ADGRL2: variants seen among roughly 807,000 people sequenced by gnomAD.
The protein encoded by ADGRL2 is calcium-independent alpha-latrotoxin receptor 2.
In ADGRL2, 44 loss-of-function variants were observed where a neutral mutation model predicts 157.4. The observed-to-expected ratio is 0.28, with a 90% CI of 0.22 to 0.36. The LOEUF is 0.36. Among genes scored for constraint, ADGRL2 ranks in the 10% least tolerant of loss-of-function variants. The pLI is 1.00. For synonymous variants in ADGRL2, 585 were observed against 624.7 expected (o/e 0.94, Z 0.95); for missense variants, 1,510 against 1,768.9 (o/e 0.85, Z 2.63).
chr1:81,370,798 C>T (rs1372594520), intron 1 of ADGRL2, among the ~76,000 whole-genome samples: 1 of 152,052 alleles, frequency 6.6e-6, no homozygotes, highest in Non-Finnish European at 1.5e-5. Context: ...TTTTAAAAAT[C>T]TTCACTTGTA....
intron 2 of ADGRL2, among the ~76,000 whole-genome samples, chr1:81,499,575 T>A (rs1048398678): frequency 6.6e-6 from 1 of 152,224 alleles, no homozygotes; most frequent in Non-Finnish European, 1.5e-5. Context: ...CATTTGAGCC[T>A]AGAATCTATG....
intron 2 of ADGRL2, among the ~76,000 whole-genome samples, chr1:81,500,029 C>T (rs2078812466): frequency 6.6e-6 from 1 of 152,108 alleles, no homozygotes; most frequent in African/African-American, 2.4e-5. Context: ...ATTCTTAACT[C>T]AGTGTCAGTC....
chr1:81,330,962 G>A (rs1661229229), intron 1 of ADGRL2, among the ~76,000 whole-genome samples: 1 of 152,170 alleles, frequency 6.6e-6, no homozygotes, highest in Admixed American at 6.6e-5. Context: ...TGGCTGATAA[G>A]TACATATGTG....
At chr1:81,458,830 A>T (rs1197729855) in intron 2 of ADGRL2, among the ~76,000 whole-genome samples, 2 of 152,148 alleles carry the variant, frequency 1.3e-5, no homozygotes, top group African/African-American at 4.8e-5. Context: ...ATTCCTCCTG[A>T]CTGCAGCTCA....
intron 3 of ADGRL2, among the ~76,000 whole-genome samples, chr1:81,685,515 C>A (rs1422774177): frequency 1.3e-5 from 2 of 152,088 alleles, no homozygotes; most frequent in African/African-American, 2.4e-5. Context: ...ATTCTTTAAT[C>A]AGTTCTAGGA....
At chr1:81,747,965 T>C (rs993775942) in intron 1 of ADGRL2, among the ~76,000 whole-genome samples, 1 of 152,142 alleles carries the variant, frequency 6.6e-6, no homozygotes, top group African/African-American at 2.4e-5. Context: ...CTAGGAAGAC[T>C]TTAAGCCAGG....
chr1:81,439,615 G>C (rs2077470841), intron 1 of ADGRL2, among the ~76,000 whole-genome samples: 1 of 152,242 alleles, frequency 6.6e-6, no homozygotes, highest in Non-Finnish European at 1.5e-5. Context: ...CCCATGGCCA[G>C]GCCAGGTGTG....
chr1:81,348,727 C>A (rs565720579), intron 1 of ADGRL2, among the ~76,000 whole-genome samples: 3 of 152,210 alleles, frequency 2.0e-5, no homozygotes, highest in South Asian at 4.1e-4. Flanking sequence ...AAAATAAAAA[C>A]GTTTTAAAAT....
At chr1:81,714,425 A>G (rs1012984456) in intron 1 of ADGRL2, among the ~76,000 whole-genome samples, 1 of 152,216 alleles carries the variant, frequency 6.6e-6, no homozygotes, top group African/African-American at 2.4e-5. Flanking sequence ...TTATTTTAAA[A>G]TACTGACTAA....
At chr1:81,984,468 G>A in intron 19 of ADGRL2, 115 bp from the exon 20 acceptor site, 1 of 1,112,298 alleles carries the variant, frequency 9.0e-7, no homozygotes, top group Non-Finnish European at 1.2e-6. Flanking sequence ...TTTCTCCACG[G>A]ATAAGTTTTA....
intron 2 of ADGRL2, among the ~76,000 whole-genome samples, chr1:81,565,758 C>T (rs1223678607): frequency 6.6e-6 from 1 of 152,140 alleles, no homozygotes; most frequent in East Asian, 1.9e-4. Flanking sequence ...ATTAGCCTTT[C>T]TTCTTTAGTG....
intron 2 of ADGRL2, among the ~76,000 whole-genome samples, chr1:81,785,873 G>A (rs1263322481): frequency 3.3e-5 from 5 of 151,630 alleles, no homozygotes; most frequent in South Asian, 2.1e-4. Context: ...TTTGGAGGCC[G>A]AGGCAGGAGG....
At chr1:81,502,557 A>T in intron 2 of ADGRL2, 1 of 1,614,036 alleles carries the variant, frequency 6.2e-7, no homozygotes, top group Admixed American at 1.7e-5. Flanking sequence ...GTGACCGAGA[A>T]GGGGGGCCTG....
intron 1 of ADGRL2, among the ~76,000 whole-genome samples, chr1:81,323,153 C>T (rs1024948120): frequency 6.6e-5 from 10 of 152,046 alleles, no homozygotes; most frequent in Non-Finnish European, 1.0e-4. Flanking sequence ...CCACCGTGCC[C>T]GGCCTATAAA....
intron 3 of ADGRL2, among the ~76,000 whole-genome samples, chr1:81,931,932 G>A (rs531916898): frequency 3.0e-4 from 45 of 152,026 alleles, no homozygotes; most frequent in Non-Finnish European, 5.7e-4. Context: ...GAGCAATAGC[G>A]CCTGACCCCG....
chr1:81,940,313 C>G lies in ADGRL2; in HGVS notation c.398-1721C>G, dbSNP rs945795252. Among the ~76,000 whole-genome samples, 24 of 151,596 alleles carry G rather than the reference C, an allele frequency of 1.6e-4. 1 individual carries two copies. Among genetic ancestry groups the G allele is most frequent in the Admixed American group, 1.1e-3 (17 of 15,168 alleles). On this transcript the variant is annotated intron_variant, in intron 4 of 23. Transcript: ENST00000686636. ...AGTAGTCACAACGCTAATGATTTCT[C>G]TTATCCTGATTTTCTCACTACGCCC...
chr1:81,524,046 G>A (rs374501306), intron 2 of ADGRL2, among the ~76,000 whole-genome samples: 2 of 149,680 alleles, frequency 1.3e-5, no homozygotes, highest in East Asian at 2.0e-4. Flanking sequence ...GCTGGGTGAC[G>A]GTGCAAGATT....
At chr1:81,750,611 G>A (rs935369520) in intron 1 of ADGRL2, among the ~76,000 whole-genome samples, 5 of 152,148 alleles carry the variant, frequency 3.3e-5, no homozygotes, top group African/African-American at 1.2e-4. Flanking sequence ...CCAGCTACTT[G>A]GGAGGCTGAG....
intron 1 of ADGRL2, among the ~76,000 whole-genome samples, chr1:81,836,444 T>C (rs982070543): frequency 6.6e-6 from 1 of 152,048 alleles, no homozygotes; most frequent in African/African-American, 2.4e-5. Context: ...AGTAAAACAC[T>C]TGGACAGAAC....
Sources: gnomAD v4.1 joint callset for allele counts (sites outside exome capture counted in the v4.1 genomes callset) on GRCh38, gnomAD v4.1.1 for gene constraint, MANE v1.5 for transcripts, NCBI Gene and HGNC (gene_info 2026-07-23, HGNC 2026-07-21) for gene names.